The following RPA3 variants were observed in gnomAD, a reference collection of about 807,000 sequenced individuals.
RPA3 encodes the protein replication protein A 14 kDa subunit.
A neutral mutation model predicts 13.7 loss-of-function variants in RPA3; 24 were observed. The observed-to-expected ratio is 1.75, with a 90% confidence interval of 1.27 to 2.46. The LOEUF (loss-of-function observed/expected upper bound fraction) is 2.46. RPA3 is among the 30% of genes most tolerant of loss of function. The pLI is 0.00. For missense variants in RPA3, 183 were observed against 151.0 expected (o/e 1.21, Z -1.11); for synonymous variants, 59 against 51.2 (o/e 1.15, Z -0.65).
At chr7:7,655,840 T>C (rs1785328688) in intron 4 of RPA3, among the ~76,000 whole-genome samples, 1 of 152,002 alleles carries the variant, frequency 6.6e-6, no homozygotes, top group South Asian at 2.1e-4. Context: ...TCTCTCTCTT[T>C]GTTTTTGTTT....
intron 4 of RPA3, among the ~76,000 whole-genome samples, chr7:7,643,725 AC>A (rs1563077037): frequency 0.17 from 1,369 of 8,076 alleles, 42 homozygotes; most frequent in African/African-American, 0.34. Context: ...AAAAAAAAAA[AC>A]AAACAAACGA....
chr7:7,640,100 T>G, intron 5 of RPA3: 1 of 570,858 alleles, frequency 1.8e-6, no homozygotes, highest in Non-Finnish European at 3.1e-6. Flanking sequence ...CACTGGAATT[T>G]AGAACTCAGC....
chr7:7,704,135 A>G (rs569634096), intron 2 of RPA3, among the ~76,000 whole-genome samples: 1 of 152,282 alleles, frequency 6.6e-6, no homozygotes, highest in East Asian at 1.9e-4. Context: ...TAAACAACAC[A>G]TCATGATAGT....
At chr7:7,689,116 C>G (rs1218479713) in intron 2 of RPA3, among the ~76,000 whole-genome samples, 1 of 152,144 alleles carries the variant, frequency 6.6e-6, no homozygotes, top group Non-Finnish European at 1.5e-5. Flanking sequence ...AGTCAGTGCT[C>G]ATTTGCCTAA....
At chr7:7,640,043 G>A in intron 5 of RPA3, 2 of 460,274 alleles carry the variant, frequency 4.3e-6, no homozygotes, top group East Asian at 4.4e-5. Context: ...TGGGAGTGGT[G>A]TTTATAATTT....
chr7:7,636,545 G>C lies in RPA3; in HGVS notation c.*455C>G, dbSNP rs1174929906. ...TGTCATCTACTTCATTTTGTAAGTAGGGTATCAAGGAAATAATTATCAAGG... is the reference window on the plus strand; with the variant it reads ...TGTCATCTACTTCATTTTGTAAGTACGGTATCAAGGAAATAATTATCAAGG... On this transcript the variant is annotated 3_prime_UTR_variant, in exon 8 of 8. Coordinates refer to ENST00000223129, the MANE Select transcript of RPA3 (RefSeq NM_002947.5). 1.3e-5 allele frequency: 2 copies of C among 155,462 alleles called. No individual in the cohort carries two copies. Among genetic ancestry groups the C allele is most frequent in the African/African-American group, 4.8e-5 (2 of 41,434 alleles). 9.6% of individuals were successfully genotyped at this position (155,462 alleles called of 1,614,324 possible). A position where few individuals can be genotyped will look rare whatever the true frequency, so the allele number is the denominator to read the frequency against.
chr7:7,676,656 A>G (rs970442445), intron 4 of RPA3, among the ~76,000 whole-genome samples: 1 of 152,122 alleles, frequency 6.6e-6, no homozygotes, highest in Non-Finnish European at 1.5e-5. Flanking sequence ...TTTGGCTTTT[A>G]TTTTGGCTAA....
chr7:7,681,935 T>C (rs1779922760), intron 4 of RPA3, among the ~76,000 whole-genome samples: 1 of 152,126 alleles, frequency 6.6e-6, no homozygotes, highest in Non-Finnish European at 1.5e-5. Flanking sequence ...TATTATGTTA[T>C]AGCAAAAAGA....
chr7:7,651,693 A>G (rs1323828676), intron 4 of RPA3, among the ~76,000 whole-genome samples: 1 of 152,164 alleles, frequency 6.6e-6, no homozygotes, highest in African/African-American at 2.4e-5. Flanking sequence ...AGAGGGATGT[A>G]CACATTTCCT....
rs17481640 is a variant in RPA3, at chr7:7,701,686, G to A, written c.-1028+13489C>T. ...TTAGGAGGCTGATTAGGATGATTAAGAGAATGACAGGGTATTTACTTATGT... is the reference window on the plus strand; with the variant it reads ...TTAGGAGGCTGATTAGGATGATTAAAAGAATGACAGGGTATTTACTTATGT... On this transcript the variant is annotated intron_variant, in intron 2 of 7. Coordinates refer to ENST00000223129, the MANE Select transcript of RPA3 (RefSeq NM_002947.5). Among the ~76,000 whole-genome samples, 564 of 152,286 alleles carry A rather than the reference G, an allele frequency of 3.7e-3. 3 individuals are homozygous for A. The highest frequency in any genetic ancestry group is 6.4e-3 in the Non-Finnish European group (437 of 68,022).
intron 2 of RPA3, among the ~76,000 whole-genome samples, chr7:7,704,038 G>A (rs908140592): frequency 6.6e-6 from 1 of 152,158 alleles, no homozygotes; most frequent in Non-Finnish European, 1.5e-5. Context: ...CAGTTCTCAA[G>A]GAGATACTTT....
At chr7:7,640,020 C>G (rs188640699) in intron 5 of RPA3, 1 of 387,168 alleles carries the variant, frequency 2.6e-6, no homozygotes, top group African/African-American at 2.1e-5. Context: ...ACTAAGAAAT[C>G]TGAAGGTAGA....
chr7:7,648,555 A>G (rs1444915367), intron 4 of RPA3, among the ~76,000 whole-genome samples: 1 of 152,196 alleles, frequency 6.6e-6, no homozygotes, highest in Non-Finnish European at 1.5e-5. Flanking sequence ...GGTAATTTAT[A>G]AAGAAAATAA....
chr7:7,679,950 G>A (rs1046487128), intron 4 of RPA3, among the ~76,000 whole-genome samples: 10 of 151,898 alleles, frequency 6.6e-5, no homozygotes, highest in Admixed American at 2.0e-4. Flanking sequence ...TCCATTGTCA[G>A]ATGAGTAGTT....
intron 7 of RPA3, 39 bp from the exon 8 acceptor site, chr7:7,637,121 G>C (rs1220311519): frequency 2.2e-6 from 3 of 1,366,740 alleles, no homozygotes; most frequent in South Asian, 1.2e-5. Context: ...ATCTACAATG[G>C]AAAGTTGTAA....
At chr7:7,682,731 T>C (rs1779944315) in intron 4 of RPA3, among the ~76,000 whole-genome samples, 1 of 152,350 alleles carries the variant, frequency 6.6e-6, no homozygotes, top group East Asian at 1.9e-4. Flanking sequence ...GCTGTCTCCT[T>C]ACCCACGTAT....
At chr7:7,664,165 G>A (rs1265068487) in intron 4 of RPA3, among the ~76,000 whole-genome samples, 1 of 152,132 alleles carries the variant, frequency 6.6e-6, no homozygotes, top group African/African-American at 2.4e-5. Flanking sequence ...GATTGAAATG[G>A]AATTTACTAT....
intron 4 of RPA3, among the ~76,000 whole-genome samples, chr7:7,645,973 G>T (rs1213021013): frequency 6.6e-6 from 1 of 152,078 alleles, no homozygotes; most frequent in Non-Finnish European, 1.5e-5. Context: ...TCGTTTGCTC[G>T]GCTGCCGTGT....
At chr7:7,697,704 A>C (rs1220259377) in intron 2 of RPA3, among the ~76,000 whole-genome samples, 2 of 152,240 alleles carry the variant, frequency 1.3e-5, no homozygotes, top group East Asian at 3.8e-4. Context: ...ATTTTAACAT[A>C]AAATGCTTTA....
Sources: allele counts gnomAD v4.1 joint callset (sites outside exome capture counted in the v4.1 genomes callset), GRCh38; gene constraint gnomAD v4.1.1; transcripts MANE v1.5; gene names NCBI Gene and HGNC (gene_info 2026-07-23, HGNC 2026-07-21).